The following NPAS3 variants were observed in gnomAD, a reference collection of about 807,000 sequenced individuals.
NPAS3 encodes neuronal PAS domain-containing protein 3.
A neutral mutation model predicts 73.1 loss-of-function variants in NPAS3; 14 were observed. The ratio of observed to expected loss-of-function variants is 0.19; its 90% CI spans 0.13 to 0.30. The LOEUF (loss-of-function observed/expected upper bound fraction) is 0.30. NPAS3 is among the 10% of genes least tolerant of loss of function. The pLI is 1.00. For synonymous variants in NPAS3, 620 were observed against 541.5 expected (o/e 1.14, Z -2.01); for missense variants, 1,096 against 1,250.0 (o/e 0.88, Z 1.86).
chr14:33,418,482 T>C (rs1169953966), intron 4 of NPAS3, among the ~76,000 whole-genome samples: 1 of 151,966 alleles, frequency 6.6e-6, no homozygotes, highest in Non-Finnish European at 1.5e-5. Flanking sequence ...CTGCTGTTTA[T>C]TTTTTCAGGG....
intron 5 of NPAS3, among the ~76,000 whole-genome samples, chr14:33,568,115 A>C (rs2056051680): frequency 6.6e-6 from 1 of 152,372 alleles, no homozygotes; most frequent in East Asian, 1.9e-4. Flanking sequence ...GAAGAGATCT[A>C]AAGTCAGAAA....
intron 2 of NPAS3, among the ~76,000 whole-genome samples, chr14:33,067,530 C>T (rs1159962012): frequency 6.6e-6 from 1 of 152,216 alleles, no homozygotes; most frequent in Non-Finnish European, 1.5e-5. Context: ...TGCATTGTTT[C>T]ACCTCACAAC....
intron 6 of NPAS3, among the ~76,000 whole-genome samples, chr14:33,681,586 G>A (rs2059939304): frequency 1.3e-5 from 2 of 152,298 alleles, no homozygotes; most frequent in South Asian, 4.1e-4. Context: ...AAGGCATACA[G>A]TGACTGATTT....
At chr14:33,342,154 C>T (rs1245953311) in intron 3 of NPAS3, among the ~76,000 whole-genome samples, 1 of 152,086 alleles carries the variant, frequency 6.6e-6, no homozygotes, top group Non-Finnish European at 1.5e-5. Context: ...CATGGAGACA[C>T]AAAGGGGTTG....
intron 1 of NPAS3, among the ~76,000 whole-genome samples, chr14:33,023,559 T>A (rs1284102773): frequency 6.6e-6 from 1 of 152,208 alleles, no homozygotes; most frequent in Non-Finnish European, 1.5e-5. Context: ...ATTATAAAGG[T>A]GGATTGATTC....
chr14:32,953,550 G>A (rs537342525), intron 1 of NPAS3, among the ~76,000 whole-genome samples: 1 of 152,178 alleles, frequency 6.6e-6, no homozygotes, highest in Admixed American at 6.5e-5. Context: ...TCAGTTATTC[G>A]AGGGGGTCTG....
intron 3 of NPAS3, among the ~76,000 whole-genome samples, chr14:33,354,024 A>G (rs1362781071): frequency 2.0e-5 from 3 of 152,136 alleles, no homozygotes; most frequent in Admixed American, 1.3e-4. Flanking sequence ...GTTATAGTGA[A>G]ATATTGAAAA....
intron 2 of NPAS3, among the ~76,000 whole-genome samples, chr14:33,069,458 A>C (rs369105915): frequency 5.9e-5 from 9 of 152,208 alleles, no homozygotes; most frequent in African/African-American, 2.2e-4. Flanking sequence ...GCATTTGAGC[A>C]GTGCGGAATG....
chr14:33,473,539 A>G (rs1411681818), intron 4 of NPAS3, among the ~76,000 whole-genome samples: 2 of 152,214 alleles, frequency 1.3e-5, no homozygotes, highest in African/African-American at 2.4e-5. Context: ...TCATGCATGT[A>G]AGTACTAGAG....
chr14:33,360,933 C>T (rs1419231141), intron 3 of NPAS3, among the ~76,000 whole-genome samples: 1 of 152,106 alleles, frequency 6.6e-6, no homozygotes, highest in Non-Finnish European at 1.5e-5. Flanking sequence ...ACCTCATTCC[C>T]TCAAGTGCTG....
intron 1 of NPAS3, among the ~76,000 whole-genome samples, chr14:33,046,620 T>C (rs1201255370): frequency 1.3e-5 from 2 of 152,174 alleles, no homozygotes; most frequent in East Asian, 3.9e-4. Flanking sequence ...GCCAGTTCTA[T>C]ATGTGCTATC....
chr14:33,074,511 G>A (rs1240289439), intron 2 of NPAS3, among the ~76,000 whole-genome samples: 1 of 152,144 alleles, frequency 6.6e-6, no homozygotes, highest in African/African-American at 2.4e-5. Context: ...CCGCCTCCCA[G>A]GTTCAAGCGA....
At chr14:33,216,078 T>G (rs1283063781) in intron 3 of NPAS3, among the ~76,000 whole-genome samples, 1 of 152,326 alleles carries the variant, frequency 6.6e-6, no homozygotes, top group Admixed American at 6.5e-5. Flanking sequence ...TCCTAATAAT[T>G]TATGGCATTT....
At chr14:33,173,555 A>G (rs1317102249) in intron 2 of NPAS3, among the ~76,000 whole-genome samples, 2 of 152,170 alleles carry the variant, frequency 1.3e-5, no homozygotes, top group Admixed American at 1.3e-4. Flanking sequence ...AGCTATTTGA[A>G]AAAAAGATGA....
chr14:33,171,231 T>C (rs2045376384), intron 2 of NPAS3, among the ~76,000 whole-genome samples: 1 of 152,208 alleles, frequency 6.6e-6, no homozygotes, highest in Non-Finnish European at 1.5e-5. Flanking sequence ...ACATCTTCAC[T>C]GTGAGCTTAA....
At chr14:33,203,740 G>C (rs1017985935) in intron 2 of NPAS3, among the ~76,000 whole-genome samples, 2 of 152,140 alleles carry the variant, frequency 1.3e-5, no homozygotes. Flanking sequence ...CATTTGGGTT[G>C]GTTCCAAGTC....
chr14:33,460,042 T>C (rs2050190723), intron 4 of NPAS3, among the ~76,000 whole-genome samples: 1 of 152,230 alleles, frequency 6.6e-6, no homozygotes, highest in African/African-American at 2.4e-5. Flanking sequence ...TAGATCCTTC[T>C]TGCAGAGATT....
chr14:33,799,633 C>T, intron 11 of NPAS3, 101 bp from the exon 12 acceptor site: 1 of 1,261,580 alleles, frequency 7.9e-7, no homozygotes, highest in South Asian at 1.3e-5. Flanking sequence ...TGCTCCCCGC[C>T]CCAGCCCCTG....
intron 3 of NPAS3, among the ~76,000 whole-genome samples, chr14:33,219,552 A>G (rs2047346466): frequency 1.3e-5 from 2 of 152,200 alleles, no homozygotes; most frequent in Admixed American, 1.3e-4. Flanking sequence ...TTGACTGAAC[A>G]CATTAGGGAA....
Sources: gnomAD v4.1 joint callset for allele counts (sites outside exome capture counted in the v4.1 genomes callset) on GRCh38, gnomAD v4.1.1 for gene constraint, MANE v1.5 for transcripts, NCBI Gene and HGNC (gene_info 2026-07-23, HGNC 2026-07-21) for gene names.